The following KIF18B variants were observed in gnomAD, a reference collection of about 807,000 sequenced individuals.
KIF18B encodes kinesin-like protein KIF18B.
Under a neutral mutation model 80.9 loss-of-function variants are expected in KIF18B, and 49 were observed. The ratio of observed to expected loss-of-function variants is 0.61; its 90% CI spans 0.48 to 0.77. The LOEUF (loss-of-function observed/expected upper bound fraction) is 0.77. KIF18B is among the 30% of genes least tolerant of loss of function. The pLI is 0.00. For synonymous variants in KIF18B, 439 were observed against 463.9 expected (o/e 0.95, Z 0.69); for missense variants, 994 against 1,127.7 (o/e 0.88, Z 1.70).
intron 1 of KIF18B, among the ~76,000 whole-genome samples, chr17:44,945,906 G>GA (rs749503310): frequency 0.32 from 29,470 of 91,824 alleles, 4,469 homozygotes; most frequent in East Asian, 0.42. Context: ...TTCTGTCTCA[G>GA]AAAAAAAAAA....
At chr17:44,939,456 C>T (rs970240383) in intron 1 of KIF18B, among the ~76,000 whole-genome samples, 3 of 150,654 alleles carry the variant, frequency 2.0e-5, no homozygotes, top group Admixed American at 6.6e-5. Context: ...TTTCCAGTAC[C>T]TCACTGTTGT....
rs1187395535 is a variant in KIF18B, at chr17:44,936,096, C to T, written c.249G>A (p.Gln83=). The T allele has an allele frequency of 6.2e-7, 1 of 1,613,864 alleles. No homozygotes were observed. The highest frequency in any genetic ancestry group is 1.3e-5 in the African/African-American group (1 of 75,058). The change falls in exon 2 of 16, where the codon CAG becomes CAA. Residue 83 remains glutamine (Q), a synonymous_variant. Coordinates refer to ENST00000593135, the MANE Select transcript of KIF18B (RefSeq NM_001265577.2). ...TGTGCGTGGTGTGCTGGAACACGTCCTGTTGGGTGGCCGCCTCGCCAAAGA... is the reference window on the plus strand; with the variant it reads ...TGTGCGTGGTGTGCTGGAACACGTCTTGTTGGGTGGCCGCCTCGCCAAAGA... ...DRVFGEAATQ[Q]DVFQHTTHSV... is the part of the protein sequence containing the mutation.
chr17:44,943,038 C>T (rs777811617), intron 1 of KIF18B, among the ~76,000 whole-genome samples: 2 of 152,164 alleles, frequency 1.3e-5, no homozygotes, highest in Non-Finnish European at 2.9e-5. Flanking sequence ...CACAAAAGAA[C>T]AGCACCCCCG....
chr17:44,933,809 C>T, intron 7 of KIF18B, 114 bp downstream of exon 7: 2 of 1,066,838 alleles, frequency 1.9e-6, no homozygotes, highest in Non-Finnish European at 2.6e-6. Context: ...AACTTCCTTC[C>T]TCTGCCTTGG....
At chr17:44,933,051 G>A (rs769042309) in intron 7 of KIF18B, 65 bp from the exon 8 acceptor site, 141 of 1,471,692 alleles carry the variant, frequency 9.6e-5, no homozygotes, top group Non-Finnish European at 1.2e-4. Context: ...AGCCACCGCC[G>A]ATGGCCAGGC....
Position 44,927,635 on chromosome 17 carries a change from A to G in KIF18B, c.2276+391T>C, listed in dbSNP as rs1220616821. Among the ~76,000 whole-genome samples the G allele has an allele frequency of 6.6e-6, 1 of 152,250 alleles. No individual in the cohort carries two copies. The highest frequency in any genetic ancestry group is 1.5e-5 in the Non-Finnish European group (1 of 68,050). On this transcript the variant is annotated intron_variant, in intron 13 of 15. Transcript: ENST00000593135. The surrounding 1 kb of genome is among the most constrained non-coding windows in gnomAD (Gnocchi z 4.1). ...AAAATCTGGAGTAGAAGTGGCAGAA[A>G]GAGGTATTTCCCAGTGGAACATAGA...
At chr17:44,933,785 G>T in intron 7 of KIF18B, 138 bp downstream of exon 7, 1 of 842,356 alleles carries the variant, frequency 1.2e-6, no homozygotes, top group Non-Finnish European at 1.8e-6. Flanking sequence ...GAGCCACCAT[G>T]TCCAGGCCAG....
In KIF18B at chr17:44,936,146, C is replaced by T; in HGVS notation, c.199G>A (p.Asp67Asn). ...THDGPKKKGK[D>N]LTFVFDRVFG... ...ACCCGGTCAAAGACAAACGTCAGGT[C>T]TTTGCCCTTCTTCTTGGGGCCATCA... Residue 67 changes from aspartate to asparagine, a missense_variant, in exon 2 of 16, where the codon GAC (aspartate) becomes AAC (asparagine). Asp to Asn is a conservative substitution (Grantham distance 23). Transcript: ENST00000593135. 1 of 1,613,716 alleles carries T rather than the reference C, an allele frequency of 6.2e-7. No homozygotes were observed. Among genetic ancestry groups the T allele is most frequent in the Non-Finnish European group, 8.5e-7 (1 of 1,179,824 alleles).
In KIF18B at chr17:44,928,201, G is replaced by C. The variant is rs1597875287; in HGVS notation, c.2101C>G (p.Leu701Val). The C allele has an allele frequency of 6.2e-7, 1 of 1,612,694 alleles. No homozygotes were observed. Among genetic ancestry groups the C allele is most frequent in the African/African-American group, 1.3e-5 (1 of 75,030 alleles). ...PATVIKSRVP[L>V]GPSAMQNCST... ...CAGTTCTGCATGGCGGAAGGGCCCA[G>C]GGGCACCCGGCTTTTGATGACTGTG... is the stretch of plus-strand genomic sequence containing the variant. The change falls in exon 13 of 16, where the codon CTG becomes GTG. Residue 701 changes from leucine (L) to valine (V), a missense_variant. By Grantham distance (32) the Leu-to-Val change is conservative. Transcript: ENST00000593135.
intron 1 of KIF18B, among the ~76,000 whole-genome samples, chr17:44,942,393 T>C (rs573910382): frequency 3.9e-5 from 6 of 152,246 alleles, no homozygotes; most frequent in African/African-American, 1.4e-4. Flanking sequence ...CCCACCCTAG[T>C]AGAGACAGGT....
Position 44,938,761 on chromosome 17 carries a change from G to A in KIF18B, c.-14-2403C>T, listed in dbSNP as rs1019807983. ...TAAAGTCTCATAGAAACATGAATTTGTGGCTGGGTGTGGTGGCTCATGCCT... is the reference window on the plus strand; with the variant it reads ...TAAAGTCTCATAGAAACATGAATTTATGGCTGGGTGTGGTGGCTCATGCCT... On this transcript the variant is annotated intron_variant, in intron 1 of 15. Transcript: ENST00000593135. 2.0e-5 allele frequency among the ~76,000 whole-genome samples: 3 copies of A among 152,146 alleles called. No individual in the cohort carries two copies. The South Asian group carries it at 6.2e-4, about 31-fold the overall frequency.
chr17:44,932,488 T>C, intron 9 of KIF18B, 185 bp downstream of exon 9: 2 of 597,912 alleles, frequency 3.3e-6, no homozygotes, highest in Non-Finnish European at 5.9e-6. Flanking sequence ...GGGTGCCATT[T>C]ACTCATTGGA....
chr17:44,936,004 C>A (rs150826005), intron 2 of KIF18B, 28 bp downstream of exon 2: 20,767 of 1,596,420 alleles, frequency 0.013, 159 homozygotes, highest in Non-Finnish European at 0.015. Context: ...GAGGCCAGGC[C>A]ACTGCCAGGC....
chr17:44,944,102 T>A (rs530341699), intron 1 of KIF18B, among the ~76,000 whole-genome samples: 69 of 152,362 alleles, frequency 4.5e-4, no homozygotes, highest in South Asian at 1.2e-3. Context: ...GATTTTCCAA[T>A]GTTAAACCAT....
chr17:44,926,917 C>A (rs1043604165), intron 14 of KIF18B, 72 bp downstream of exon 14: 1 of 1,305,816 alleles, frequency 7.7e-7, no homozygotes, highest in South Asian at 1.3e-5. Context: ...GGCCCAGAGT[C>A]GGCCCAGGTG....
rs746672667 is a variant in KIF18B, at chr17:44,932,041, ACCCCCAAGT to A, written c.1389+6_1389+14del. 1 of 1,593,726 alleles carries A rather than the reference ACCCCCAAGT, an allele frequency of 6.3e-7. No homozygotes were observed. Among genetic ancestry groups the A allele is most frequent in the African/African-American group, 1.3e-5 (1 of 74,352 alleles). On this transcript the variant is annotated splice_donor_region_variant and intron_variant, in intron 10 of 15. Transcript: ENST00000593135. The stretch of plus-strand genomic sequence containing the variant: ...AGCCCTCCCGATACCCAGGCCTCAC[ACCCCCAAGT>A]CCTACCTCCTCAGCTGGGCCTTCAT...
At chr17:44,935,126 C>A (rs948206413) in intron 3 of KIF18B, 133 bp downstream of exon 3, 1 of 981,924 alleles carries the variant, frequency 1.0e-6, no homozygotes, top group Non-Finnish European at 1.5e-6. Flanking sequence ...TCTCACTGAG[C>A]AGTATCTATC....
chr17:44,935,352 G>C lies in KIF18B; in HGVS notation c.378C>G (p.Pro126=). ...CCACGGTGGTCAGGTACATGATGCCGGGGTCCCCCTCCCTTCCCAGCATGG... is the reference window on the plus strand; with the variant it reads ...CCACGGTGGTCAGGTACATGATGCCCGGGTCCCCCTCCCTTCCCAGCATGG... ...THTMLGREGD[P]GIMYLTTVEL... The change falls in exon 3 of 16, where the codon CCC becomes CCG. Residue 126 remains proline, a synonymous_variant. Coordinates refer to ENST00000593135, the MANE Select transcript of KIF18B (RefSeq NM_001265577.2). 6.2e-7 allele frequency: 1 copy of C among 1,613,178 alleles called. No individual in the cohort carries two copies. The highest frequency in any genetic ancestry group is 8.5e-7 in the Non-Finnish European group (1 of 1,179,476).
chr17:44,926,107 T>C lies in KIF18B; in HGVS notation c.2532A>G (p.Ala844=). The C allele has an allele frequency of 6.2e-7, 1 of 1,613,974 alleles. No homozygotes were observed. The highest frequency in any genetic ancestry group is 1.3e-5 in the African/African-American group (1 of 75,026). ...DLIRVGRALS[A]GNGVTKVS ...AGGACACCTTGGTGACGCCGTTCCCTGCTGAGAGTGCTCTCCCCACCCTGA... is the reference window on the plus strand; with the variant it reads ...AGGACACCTTGGTGACGCCGTTCCCCGCTGAGAGTGCTCTCCCCACCCTGA... Residue 844 remains alanine, a synonymous_variant, in exon 16 of 16, where the codon GCA becomes GCG. Transcript: ENST00000593135.
Sources: allele counts gnomAD v4.1 joint callset (sites outside exome capture counted in the v4.1 genomes callset), GRCh38; gene constraint gnomAD v4.1.1; non-coding constraint Gnocchi (gnomAD v3.1); transcripts MANE v1.5; gene names NCBI Gene and HGNC (gene_info 2026-07-23, HGNC 2026-07-21).